The following ANK3 variants were observed in gnomAD, a reference collection of about 807,000 sequenced individuals.
ANK3 encodes ankyrin 3.
In ANK3, 57 loss-of-function variants were observed where a neutral mutation model predicts 370.9. The observed-to-expected ratio is 0.15, with a 90% CI of 0.12 to 0.19. The LOEUF is 0.19. ANK3 is among the 10% of genes least tolerant of loss of function. The probability of loss-of-function intolerance (pLI) is 1.00; values close to 1 mark genes in which losing one functional copy is unlikely to be tolerated. For missense variants in ANK3, 4,439 were observed against 5,302.1 expected, an observed-to-expected ratio of 0.84 and a Z score of 5.06; for synonymous variants, 1,929 against 1,946.3, an observed-to-expected ratio of 0.99 and a Z score of 0.23.
At chr10:60,297,615 C>A (rs985686820) in intron 1 of ANK3, among the ~76,000 whole-genome samples, 1 of 151,920 alleles carries the variant, frequency 6.6e-6, no homozygotes, top group Admixed American at 6.6e-5. Flanking sequence ...ATTTACTTTG[C>A]GACTAAAAAT....
chr10:60,080,642 A>G (rs1289889302), intron 35 of ANK3, 24 bp from the exon 36 acceptor site: 2 of 1,552,296 alleles, frequency 1.3e-6, no homozygotes, highest in African/African-American at 2.8e-5. Context: ...AAAAAAAGAC[A>G]ACTCTATTTC....
At chr10:60,704,533 AT>A (rs1317869228) in intron 1 of ANK3, among the ~76,000 whole-genome samples, 2 of 152,206 alleles carry the variant, frequency 1.3e-5, no homozygotes, top group Admixed American at 1.3e-4. Flanking sequence ...AGAAAAAAAA[AT>A]AACCCCAGGA....
intron 2 of ANK3, among the ~76,000 whole-genome samples, chr10:60,516,338 G>T (rs1278057060): frequency 6.6e-6 from 1 of 152,132 alleles, no homozygotes; most frequent in African/African-American, 2.4e-5. Flanking sequence ...TGAGGGCACA[G>T]GTACTGGGAG....
At chr10:60,348,015 C>T (rs958020010) in intron 1 of ANK3, among the ~76,000 whole-genome samples, 1 of 152,064 alleles carries the variant, frequency 6.6e-6, no homozygotes, top group Non-Finnish European at 1.5e-5. Flanking sequence ...CTCACCACCA[C>T]CATGCTTTGC....
At chr10:60,290,538 A>G (rs1044697749) in intron 1 of ANK3, among the ~76,000 whole-genome samples, 1 of 152,228 alleles carries the variant, frequency 6.6e-6, no homozygotes, top group Non-Finnish European at 1.5e-5. Context: ...AAGGTGGTCT[A>G]TATTAGTAAT....
chr10:60,598,924 GTGT>G (rs2078024180), intron 2 of ANK3, among the ~76,000 whole-genome samples: 1 of 152,030 alleles, frequency 6.6e-6, no homozygotes, highest in East Asian at 1.9e-4. Context: ...GTAGTTATTT[GTGT>G]TGTTGTTGTT....
intron 2 of ANK3, among the ~76,000 whole-genome samples, chr10:60,398,876 G>C (rs1401530015): frequency 6.6e-6 from 1 of 152,150 alleles, no homozygotes; most frequent in Admixed American, 6.5e-5. Context: ...TAGCATATCT[G>C]GTTCACTATG....
At chr10:60,678,388 A>G (rs980044600) in intron 1 of ANK3, among the ~76,000 whole-genome samples, 47 of 152,338 alleles carry the variant, frequency 3.1e-4, no homozygotes, top group African/African-American at 1.0e-3. Flanking sequence ...ACATTGGGTC[A>G]GGGGAATAAA....
intron 1 of ANK3, among the ~76,000 whole-genome samples, chr10:60,728,323 CT>C (rs1270107930): frequency 6.6e-6 from 1 of 152,158 alleles, no homozygotes; most frequent in Non-Finnish European, 1.5e-5. Context: ...GACATGTCAT[CT>C]TACCACTTCC....
intron 3 of ANK3, 53 bp from the exon 4 acceptor site, chr10:60,278,925 G>C: frequency 1.9e-6 from 3 of 1,591,860 alleles, no homozygotes; most frequent in Non-Finnish European, 2.6e-6. Flanking sequence ...GAATTTTCCT[G>C]TTCTCCCCAA....
chr10:60,227,452 T>A (rs1400994722), intron 8 of ANK3, among the ~76,000 whole-genome samples: 1 of 152,146 alleles, frequency 6.6e-6, no homozygotes, highest in Non-Finnish European at 1.5e-5. Flanking sequence ...GATTCCTTGA[T>A]TTGAGTGCTG....
At chr10:60,255,357 C>T (rs1049396828) in intron 7 of ANK3, among the ~76,000 whole-genome samples, 13 of 152,280 alleles carry the variant, frequency 8.5e-5, no homozygotes, top group Middle Eastern at 3.4e-3. Context: ...AAAAACAAAT[C>T]ATCCTCTGAA....
chr10:60,219,099 A>G (rs1274144482), intron 8 of ANK3, among the ~76,000 whole-genome samples: 2 of 151,650 alleles, frequency 1.3e-5, no homozygotes, highest in African/African-American at 4.8e-5. Flanking sequence ...ATGCTTCATG[A>G]AGTTCTCACG....
intron 2 of ANK3, among the ~76,000 whole-genome samples, chr10:60,397,613 T>C (rs2132893777): frequency 6.6e-6 from 1 of 152,306 alleles, no homozygotes; most frequent in East Asian, 1.9e-4. Context: ...TTCACCCTCT[T>C]CCTACTTGTC....
intron 1 of ANK3, among the ~76,000 whole-genome samples, chr10:60,339,842 G>A (rs2053852685): frequency 6.6e-6 from 1 of 152,122 alleles, no homozygotes; most frequent in Admixed American, 6.6e-5. Flanking sequence ...TTTACAACGC[G>A]CTTGCTGTTT....
chr10:60,300,745 C>T (rs1008627512), intron 1 of ANK3, among the ~76,000 whole-genome samples: 1 of 152,114 alleles, frequency 6.6e-6, no homozygotes, highest in African/African-American at 2.4e-5. Context: ...GCACTTTCCT[C>T]TGTACTCACG....
At chr10:60,659,144 C>A (rs1047445999) in intron 1 of ANK3, among the ~76,000 whole-genome samples, 4 of 152,108 alleles carry the variant, frequency 2.6e-5, no homozygotes, top group African/African-American at 9.7e-5. Context: ...AAGAAAATAT[C>A]TTTGTGATCT....
intron 2 of ANK3, among the ~76,000 whole-genome samples, chr10:60,420,639 C>T (rs1232781426): frequency 6.6e-6 from 1 of 151,942 alleles, no homozygotes; most frequent in Non-Finnish European, 1.5e-5. Flanking sequence ...TAGTCTGTGT[C>T]AAAATGAACC....
At chr10:60,382,439 C>G (rs1031659300) in intron 1 of ANK3, among the ~76,000 whole-genome samples, 6 of 152,096 alleles carry the variant, frequency 3.9e-5, no homozygotes, top group Non-Finnish European at 8.8e-5. Context: ...AAATCATTTA[C>G]CAGAACCAAT....
Sources: gnomAD v4.1 joint callset for allele counts (sites outside exome capture counted in the v4.1 genomes callset) on GRCh38, gnomAD v4.1.1 for gene constraint, MANE v1.5 for transcripts, NCBI Gene and HGNC (gene_info 2026-07-23, HGNC 2026-07-21) for gene names.